Variants in GRAMD1B observed in about 807,000 individuals in gnomAD.
The protein encoded by GRAMD1B is GRAM domain containing 1B, also known as protein Aster-B.
GRAMD1B carries 37 observed loss-of-function variants against 99.7 expected under a neutral mutation model. The ratio of observed to expected loss-of-function variants is 0.37; its 90% CI spans 0.29 to 0.49. The LOEUF (loss-of-function observed/expected upper bound fraction) is 0.49. GRAMD1B is among the 20% of genes least tolerant of loss of function. The probability of loss-of-function intolerance (pLI) is 0.98; values close to 1 mark genes in which losing one functional copy is unlikely to be tolerated. For synonymous variants in GRAMD1B, 427 were observed against 387.6 expected (o/e 1.10, Z -1.19); for missense variants, 888 against 1,009.2 (o/e 0.88, Z 1.63).
At chr11:123,420,849 G>GA (rs1269159896) in intron 1 of GRAMD1B, among the ~76,000 whole-genome samples, 2 of 152,090 alleles carry the variant, frequency 1.3e-5, no homozygotes, top group African/African-American at 2.4e-5. Flanking sequence ...ACTACAATGG[G>GA]AAAAAATAAC....
chr11:123,484,754 T>G (rs1241201141), intron 2 of GRAMD1B, among the ~76,000 whole-genome samples: 1 of 152,132 alleles, frequency 6.6e-6, no homozygotes, highest in Non-Finnish European at 1.5e-5. Context: ...TCTTCTCATC[T>G]TGGCTGCTGG....
chr11:123,433,828 G>A (rs990510651), intron 1 of GRAMD1B, among the ~76,000 whole-genome samples: 1 of 115,042 alleles, frequency 8.7e-6, no homozygotes, highest in Non-Finnish European at 1.9e-5. Flanking sequence ...TGTGTGTAGT[G>A]GAACCTTCAT....
In GRAMD1B at chr11:123,622,655, A is replaced by AAT. The variant is rs1011204640; in HGVS notation, c.*72_*73dup. On this transcript the variant is annotated 3_prime_UTR_variant, in exon 20 of 20. Coordinates refer to ENST00000635736, the MANE Select transcript of GRAMD1B (RefSeq NM_001387025.1). ...GCAATACATGTACATAGACCATATA[A>AAT]ATATATATATATAAATATATATATA... 53 of 426,928 alleles carry AAT rather than the reference A, an allele frequency of 1.2e-4. No homozygotes were observed. Among genetic ancestry groups the AAT allele is most frequent in the Non-Finnish European group, 1.5e-4 (37 of 240,362 alleles). 26.4% of individuals were successfully genotyped at this position (426,928 alleles called of 1,614,324 possible). A position where few individuals can be genotyped will look rare whatever the true frequency, so the allele number is the denominator to read the frequency against.
intron 1 of GRAMD1B, chr11:123,458,683 G>C (rs943931005): frequency 8.2e-6 from 1 of 122,450 alleles, no homozygotes; most frequent in Non-Finnish European, 1.6e-5. Context: ...ACAGTGAAAG[G>C]CTGTTTTGTT....
In GRAMD1B at chr11:123,626,146, C is replaced by T. The variant is rs1955502715; in HGVS notation, c.*3551C>T. Reference sequence around the variant, plus strand: ...GGGTCTGTTCAGCCTTTCATCTATCCATCCTTCCTCTTTATTGGTAGAAGA... The same window carrying T: ...GGGTCTGTTCAGCCTTTCATCTATCTATCCTTCCTCTTTATTGGTAGAAGA... On this transcript the variant is annotated 3_prime_UTR_variant, in exon 20 of 20. Coordinates refer to ENST00000635736, the MANE Select transcript of GRAMD1B (RefSeq NM_001387025.1). 1 of 152,166 alleles carries T rather than the reference C, an allele frequency of 6.6e-6. No homozygotes were observed. The highest frequency in any genetic ancestry group is 1.5e-5 in the Non-Finnish European group (1 of 68,052). The allele number at this position is 152,166 out of a possible 1,614,324, so 9.4% of individuals were successfully genotyped here.
intron 2 of GRAMD1B, among the ~76,000 whole-genome samples, chr11:123,566,500 C>T (rs572445266): frequency 1.2e-3 from 182 of 152,294 alleles, no homozygotes; most frequent in African/African-American, 4.2e-3. Flanking sequence ...AGCGCGGTGG[C>T]TCACGCCTGT....
At chr11:123,607,732 C>T (rs1283505515) in intron 11 of GRAMD1B, 1 of 152,220 alleles carries the variant, frequency 6.6e-6, no homozygotes, top group East Asian at 1.9e-4. Context: ...CCTCAGGGTC[C>T]TAGGGGTGCC....
chr11:123,470,913 A>C (rs548638737), intron 1 of GRAMD1B, among the ~76,000 whole-genome samples: 94 of 151,836 alleles, frequency 6.2e-4, no homozygotes, highest in African/African-American at 2.2e-3. Context: ...AATGCTCTCT[A>C]TCTGTACTGT....
chr11:123,514,972 T>C (rs867730219), intron 2 of GRAMD1B, among the ~76,000 whole-genome samples: 71 of 152,312 alleles, frequency 4.7e-4, no homozygotes, highest in Middle Eastern at 6.8e-3. Flanking sequence ...TCAATAAATA[T>C]TTGGTGAATG....
chr11:123,499,783 C>T (rs939682866), intron 2 of GRAMD1B, among the ~76,000 whole-genome samples: 2 of 152,162 alleles, frequency 1.3e-5, no homozygotes, highest in Non-Finnish European at 2.9e-5. Context: ...CACAAAAGCT[C>T]TCTTGTGTCT....
intron 1 of GRAMD1B, among the ~76,000 whole-genome samples, chr11:123,453,191 C>T (rs1055607808): frequency 6.6e-6 from 1 of 151,900 alleles, no homozygotes; most frequent in Non-Finnish European, 1.5e-5. Flanking sequence ...AACCTCTAAT[C>T]CAGCTTAAAT....
At chr11:123,604,166 G>A (rs1428816143) in intron 9 of GRAMD1B, among the ~76,000 whole-genome samples, 2 of 152,194 alleles carry the variant, frequency 1.3e-5, no homozygotes, top group Non-Finnish European at 2.9e-5. Flanking sequence ...TGCCAAGTGG[G>A]CATTTAGATA....
At chr11:123,548,357 T>A in intron 2 of GRAMD1B, among the ~76,000 whole-genome samples, 1 of 110,876 alleles carries the variant, frequency 9.0e-6, no homozygotes, top group African/African-American at 4.2e-5. Flanking sequence ...CACATATATA[T>A]ATATATGTAC....
chr11:123,548,595 A>C (rs1945310840), intron 2 of GRAMD1B, among the ~76,000 whole-genome samples: 1 of 151,792 alleles, frequency 6.6e-6, no homozygotes, highest in Non-Finnish European at 1.5e-5. Flanking sequence ...TCGATGCTTG[A>C]AAATTAATTG....
At chr11:123,568,000 TGAG>T (rs146910549) in intron 2 of GRAMD1B, among the ~76,000 whole-genome samples, 11,815 of 152,328 alleles carry the variant, frequency 0.078, 648 homozygotes, top group Admixed American at 0.16. Context: ...CTTCCAGGCT[TGAG>T]GAGATCCCTA....
At chr11:123,495,980 TAA>T (rs1477856221) in intron 2 of GRAMD1B, among the ~76,000 whole-genome samples, 4 of 152,236 alleles carry the variant, frequency 2.6e-5, no homozygotes, top group African/African-American at 9.6e-5. Flanking sequence ...CTATGGAAGA[TAA>T]GAGTACATTA....
chr11:123,457,291 C>G (rs893311149), intron 1 of GRAMD1B, among the ~76,000 whole-genome samples: 1 of 151,986 alleles, frequency 6.6e-6, no homozygotes, highest in Admixed American at 6.6e-5. Flanking sequence ...GGAAGTGAAC[C>G]AGGAAGCCAC....
intron 2 of GRAMD1B, among the ~76,000 whole-genome samples, chr11:123,534,678 C>T (rs958987980): frequency 4.6e-5 from 7 of 151,964 alleles, no homozygotes; most frequent in African/African-American, 1.5e-4. Context: ...GGCTGGCCAA[C>T]ATGGTGAAAC....
intron 2 of GRAMD1B, among the ~76,000 whole-genome samples, chr11:123,519,424 C>G (rs1246667573): frequency 6.6e-6 from 1 of 152,198 alleles, no homozygotes; most frequent in Non-Finnish European, 1.5e-5. Context: ...GGCTGGAGGA[C>G]TAGAAAGAGG....
Sources: allele counts gnomAD v4.1 joint callset (sites outside exome capture counted in the v4.1 genomes callset), GRCh38; gene constraint gnomAD v4.1.1; transcripts MANE v1.5; gene names NCBI Gene and HGNC (gene_info 2026-07-23, HGNC 2026-07-21).